RIF1: variants seen among roughly 807,000 people sequenced by gnomAD.
RIF1 encodes the protein replication timing regulatory factor 1.
Under a neutral mutation model 247.1 loss-of-function variants are expected in RIF1, and 45 were observed. The observed-to-expected ratio is 0.18, with a 90% confidence interval of 0.14 to 0.23. RIF1 has a LOEUF of 0.23. Ranked by LOEUF, RIF1 falls within the 10% of genes least tolerant of loss-of-function variation. The pLI is 1.00. For synonymous variants in RIF1, 1,087 were observed against 978.8 expected (o/e 1.11, Z -2.06); for missense variants, 2,967 against 2,862.5 (o/e 1.04, Z -0.83).
chr2:151,468,751 CAT>C lies in RIF1; in HGVS notation c.6937_6938del (p.Met2313ValfsTer10), dbSNP rs1226893292. The C allele has an allele frequency of 6.2e-7, 1 of 1,605,942 alleles. No homozygotes were observed. The highest frequency in any genetic ancestry group is 8.5e-7 in the Non-Finnish European group (1 of 1,172,714). ...TCATTTTACCTCAGATTACATCAAA[CAT>C]GTGGTAAGTGGTTATTTAGGCTTCT... Reference protein sequence around the residue: ...DIILPQITSNMWARGLGQLIR... With the variant: ...DIILPQITSNXWARGLGQLIR... On this transcript the variant is annotated frameshift_variant, in exon 33 of 36. Transcript: ENST00000444746. LOFTEE classifies it high-confidence loss of function.
At chr2:151,505,979 G>T in intron 12 of RIF1, 1 of 613,520 alleles carries the variant, frequency 1.6e-6, no homozygotes, top group Non-Finnish European at 2.9e-6. Flanking sequence ...TCTCCCTCAT[G>T]AAAACCGCCA....
chr2:151,447,685 A>G (rs1186169212), intron 20 of RIF1, among the ~76,000 whole-genome samples: 1 of 152,192 alleles, frequency 6.6e-6, no homozygotes, highest in Non-Finnish European at 1.5e-5. Flanking sequence ...TGCTGGGACT[A>G]CAGTTGCACA....
the RIF1 span, chr2:151,518,571 T>A: frequency 1.6e-6 from 1 of 641,394 alleles, no homozygotes; most frequent in Non-Finnish European, 2.8e-6. Context: ...GAAAAAGTTT[T>A]AAAAATGAGG....
chr2:151,466,011 G>T lies in RIF1; in HGVS notation c.6491G>T (p.Gly2164Val), dbSNP rs768912611. Residue 2164 changes from glycine (G) to valine (V), a missense_variant, in exon 30 of 36, where the codon GGC becomes GTC. Gly to Val is a moderately radical substitution (Grantham distance 109). Around this residue, in one of 7 missense-constraint regions of RIF1, gnomAD observed 2,028 missense variants for 1,825.6 expected, o/e 1.11. Transcript: ENST00000444746. The stretch of plus-strand genomic sequence containing the variant: ...GTGTCAGCAAATGACAGTCCTAGTG[G>T]CATGCAGACACGCTGTGTCTGGTCT... The part of the protein sequence containing the change: ...SLVSANDSPS[G>V]MQTRCVWSPL... 6.2e-7 allele frequency: 1 copy of T among 1,613,966 alleles called. No individual in the cohort carries two copies. The highest frequency in any genetic ancestry group is 2.2e-5 in the East Asian group (1 of 44,876).
Position 151,464,296 on chromosome 2 carries a change from G to A in RIF1, c.4776G>A (p.Gln1592=). Residue 1592 remains glutamine, a synonymous_variant, in exon 30 of 36, where the codon CAG becomes CAA. Coordinates refer to ENST00000444746, the MANE Select transcript of RIF1 (RefSeq NM_018151.5). The part of the protein sequence containing the change: ...IQDQEEKVVK[Q]ECIKAENQSH... ...ATCAAGAAGAGAAAGTGGTGAAACAGGAATGTATAAAAGCTGAAAATCAGT... is the reference window on the plus strand; with the variant it reads ...ATCAAGAAGAGAAAGTGGTGAAACAAGAATGTATAAAAGCTGAAAATCAGT... The A allele has an allele frequency of 2.5e-6, 4 of 1,613,192 alleles. No homozygotes were observed. The highest frequency in any genetic ancestry group is 3.4e-6 in the Non-Finnish European group (4 of 1,179,808).
chr2:151,507,589 A>G (rs1398872932), intron 13 of RIF1: 1 of 200,768 alleles, frequency 5.0e-6, no homozygotes, highest in Non-Finnish European at 1.0e-5. Context: ...CCATTGGATC[A>G]TACCCCTCTT....
rs1355694217 is a variant in RIF1 at position 151,465,311 on chromosome 2, G to A, written c.5791G>A (p.Glu1931Lys). ...VGNEASFHGQ[E>K]RTKTGISEEA... Reference sequence around the variant, plus strand: ...AAATGAAGCTAGCTTTCATGGACAAGAGAGAACCAAAACTGGTATTTCTGA... The same window carrying A: ...AAATGAAGCTAGCTTTCATGGACAAAAGAGAACCAAAACTGGTATTTCTGA... Residue 1931 changes from glutamate to lysine, a missense_variant, in exon 30 of 36, where the codon GAG (glutamate) becomes AAG (lysine). By Grantham distance (56) the Glu-to-Lys change is moderately conservative (BLOSUM62 1). This residue lies in a region of RIF1 where 2,028 missense variants were observed against 1,825.6 expected (regional missense o/e 1.11). Coordinates refer to ENST00000444746, the MANE Select transcript of RIF1 (RefSeq NM_018151.5). 1 of 1,613,814 alleles carries A rather than the reference G, an allele frequency of 6.2e-7. No individual in the cohort carries two copies. The highest frequency in any genetic ancestry group is 1.7e-5 in the Admixed American group (1 of 59,964).
intron 9 of RIF1, chr2:151,492,509 A>T: frequency 6.4e-7 from 1 of 1,568,286 alleles, no homozygotes; most frequent in Non-Finnish European, 8.8e-7. Flanking sequence ...TGCAGGAGAG[A>T]CCGTGAATGA....
chr2:151,411,833 C>G (rs1019218605), intron 3 of RIF1, among the ~76,000 whole-genome samples: 3 of 152,188 alleles, frequency 2.0e-5, no homozygotes, highest in African/African-American at 4.8e-5. Flanking sequence ...TTACCTTACA[C>G]GCTTTATCAC....
At chr2:151,433,803 G>C (rs1457767484) in intron 10 of RIF1, among the ~76,000 whole-genome samples, 1 of 151,984 alleles carries the variant, frequency 6.6e-6, no homozygotes, top group Non-Finnish European at 1.5e-5. Context: ...TACTCTACAA[G>C]CATTATGATT....
intron 23 of RIF1, 63 bp downstream of exon 23, chr2:151,456,683 A>G: frequency 1.0e-6 from 1 of 957,674 alleles, no homozygotes; most frequent in Non-Finnish European, 1.6e-6. Context: ...GAGTTTAGAT[A>G]ATTTTCTTAA....
intron 10 of RIF1, chr2:151,497,387 T>C (rs1284210198): frequency 1.0e-6 from 1 of 980,018 alleles, no homozygotes; most frequent in African/African-American, 1.8e-5. Context: ...GAAAAACTCA[T>C]TATTTTAAAA....
chr2:151,442,468 G>A (rs1314879859), intron 16 of RIF1, among the ~76,000 whole-genome samples: 1 of 150,328 alleles, frequency 6.7e-6, no homozygotes, highest in Non-Finnish European at 1.5e-5. Flanking sequence ...CCAAATTAAA[G>A]GAAAAACTGA....
chr2:151,501,504 A>C (rs1356508717), intron 11 of RIF1: 1 of 1,403,324 alleles, frequency 7.1e-7, no homozygotes, highest in African/African-American at 1.4e-5. Flanking sequence ...AAAACCAACA[A>C]ACAAATCAAC....
At chr2:151,461,391 A>ATTT (rs374480238) in intron 27 of RIF1, 102 bp downstream of exon 27, 289 of 773,790 alleles carry the variant, frequency 3.7e-4, no homozygotes, top group East Asian at 6.1e-4. Flanking sequence ...ATGTGTACTA[A>ATTT]TTTTTTTTTT....
intron 11 of RIF1, among the ~76,000 whole-genome samples, chr2:151,502,356 AC>A (rs766153238): frequency 6.6e-6 from 1 of 150,792 alleles, no homozygotes; most frequent in African/African-American, 2.4e-5. Flanking sequence ...TACCTCCCAA[AC>A]TTATGGAAAA....
intron 9 of RIF1, chr2:151,491,945 CT>C (rs2056944484): frequency 2.0e-6 from 2 of 1,012,836 alleles, no homozygotes; most frequent in Admixed American, 2.4e-5. Context: ...TAGAAATCAG[CT>C]TTGTAAACTA....
At chr2:151,534,251 A>G in the RIF1 span, 1 of 1,613,670 alleles carries the variant, frequency 6.2e-7, no homozygotes, top group South Asian at 1.1e-5. Flanking sequence ...TAGCCAGCAG[A>G]TGTCTAGGCT....
rs937841353 is a variant in RIF1 at position 151,470,904 on chromosome 2, T to G, written c.7095+1040T>G. On this transcript the variant is annotated intron_variant, in intron 34 of 35. Coordinates refer to ENST00000444746, the MANE Select transcript of RIF1 (RefSeq NM_018151.5). ...GGGAAAGTCTATGAGAATTAGGTTT[T>G]TTTTAACAGCTTCATTAAGATATGA... is the stretch of plus-strand genomic sequence containing the variant. 2.0e-5 allele frequency among the ~76,000 whole-genome samples: 3 copies of G among 152,212 alleles called. No individual in the cohort carries two copies. In the South Asian group the frequency reaches 6.2e-4, roughly 32 times the overall value.
Sources: gnomAD v4.1 joint callset for allele counts (sites outside exome capture counted in the v4.1 genomes callset) on GRCh38, gnomAD v4.1.1 for gene constraint, gnomAD v4.1.1 regional missense constraint, MANE v1.5 for transcripts, NCBI Gene and HGNC (gene_info 2026-07-23, HGNC 2026-07-21) for gene names.